CYP2A7: variants seen among roughly 807,000 people sequenced by gnomAD.
The protein encoded by CYP2A7 is cytochrome P450 2A7.
A neutral mutation model predicts 42.0 loss-of-function variants in CYP2A7; 36 were observed. The observed-to-expected ratio is 0.86, with a 90% CI of 0.66 to 1.13. The LOEUF (loss-of-function observed/expected upper bound fraction) is 1.13. Ranked by LOEUF, CYP2A7 falls within the 50% of genes most tolerant of loss-of-function variation. The pLI, the probability that CYP2A7 is intolerant of heterozygous loss-of-function variation, is 0.00. For synonymous variants in CYP2A7, 260 were observed against 249.5 expected (o/e 1.04, Z -0.40); for missense variants, 661 against 634.1 (o/e 1.04, Z -0.46).
chr19:40,880,737 A>C, intron 2 of CYP2A7, 109 bp from the exon 3 acceptor site: 1 of 1,111,826 alleles, frequency 9.0e-7, no homozygotes, highest in South Asian at 1.5e-5. Flanking sequence ...GTGGGGTGGG[A>C]GAGAGATGGA....
Position 40,880,567 on chromosome 19 carries a change from C to A in CYP2A7, c.405G>T (p.Leu135=). The A allele has an allele frequency of 1.2e-6, 2 of 1,610,272 alleles. No homozygotes were observed. The highest frequency in any genetic ancestry group is 1.1e-5 in the South Asian group (1 of 90,906). ...KQLLRFAIAT[L]RDFGVGKRGI... is the part of the protein sequence containing the mutation. Reference sequence around the variant, plus strand: ...CTCGCTTGCCCACCCCGAAGTCCCTCAGGGTGGCGATGGCAAAGCGCAGGA... The same window carrying A: ...CTCGCTTGCCCACCCCGAAGTCCCTAAGGGTGGCGATGGCAAAGCGCAGGA... Residue 135 remains leucine, a synonymous_variant, in exon 3 of 9, where the codon CTG becomes CTT. Coordinates refer to ENST00000301146, the MANE Select transcript of CYP2A7 (RefSeq NM_000764.3).
chr19:40,880,830 A>ACCG (rs1568527997), intron 2 of CYP2A7, among the ~76,000 whole-genome samples: 7 of 92,828 alleles, frequency 7.5e-5, no homozygotes, highest in Non-Finnish European at 1.2e-4. Flanking sequence ...AGAGAGAGAG[A>ACCG]GAGAGAGAGA....
chr19:40,882,134 T>G lies in CYP2A7; in HGVS notation c.77A>C (p.Gln26Pro), dbSNP rs1185383460. 8 of 1,613,966 alleles carry G rather than the reference T, an allele frequency of 5.0e-6. No individual in the cohort carries two copies. The Admixed American group carries it at 6.7e-5, about 13-fold the overall frequency. ...TVMVLMSVWQ[Q>P]RKSRGKLPPG... is the part of the protein sequence containing the mutation. ...AGGCAGCTTCCCCCTGCTCTTCCTC[T>G]GCTGCCAGACAGACATCAAGACCAT... The change falls in exon 1 of 9, where the codon CAG (glutamine) becomes CCG (proline). Residue 26 changes from glutamine (Q) to proline (P), a missense_variant. Gln to Pro is a moderately conservative substitution (Grantham distance 76, BLOSUM62 -1). Transcript: ENST00000301146.
Position 40,880,528 on chromosome 19 carries a change from G to A in CYP2A7, c.444C>T (p.Arg148=). 1.9e-6 allele frequency: 3 copies of A among 1,612,168 alleles called. No individual in the cohort carries two copies. The highest frequency in any genetic ancestry group is 1.1e-5 in the South Asian group (1 of 90,990). ...TGAGGAAGCCCGACTCCTCCTGGAT[G>A]CGCTCCTCGATGCCTCGCTTGCCCA... ...FGVGKRGIEE[R]IQEESGFLIE... is the part of the protein sequence containing the mutation. Residue 148 remains arginine, a synonymous_variant, in exon 3 of 9, where the codon CGC becomes CGT. Transcript: ENST00000301146.
intron 5 of CYP2A7, among the ~76,000 whole-genome samples, chr19:40,878,298 T>A (rs1348053957): frequency 2.0e-5 from 3 of 151,794 alleles, no homozygotes; most frequent in African/African-American, 7.2e-5. Flanking sequence ...CTCGAACTCC[T>A]GGGCTCAAGC....
At position 40,880,534 on chromosome 19, in the gene CYP2A7, C is replaced by G. The variant is rs139522441; in HGVS notation, c.438G>C (p.Glu146Asp). 1.5e-5 allele frequency: 24 copies of G among 1,611,966 alleles called. No individual in the cohort carries two copies. The African/African-American group carries it at 3.1e-4, about 21-fold the overall frequency. ...RDFGVGKRGI[E>D]ERIQEESGFL... is the part of the protein sequence containing the mutation. ...AGCCCGACTCCTCCTGGATGCGCTCCTCGATGCCTCGCTTGCCCACCCCGA... is the reference window on the plus strand; with the variant it reads ...AGCCCGACTCCTCCTGGATGCGCTCGTCGATGCCTCGCTTGCCCACCCCGA... The change falls in exon 3 of 9, where the codon GAG (glutamate) becomes GAC (aspartate). Residue 146 changes from glutamate (E) to aspartate (D), a missense_variant. By Grantham distance (45) the Glu-to-Asp change is conservative. Coordinates refer to ENST00000301146, the MANE Select transcript of CYP2A7 (RefSeq NM_000764.3).
chr19:40,877,070 C>A, intron 7 of CYP2A7, 120 bp downstream of exon 7: 1 of 1,164,528 alleles, frequency 8.6e-7, no homozygotes, highest in Admixed American at 2.2e-5. Context: ...TTGGGGAAGT[C>A]CTTTTTGACT....
intron 7 of CYP2A7, 42 bp downstream of exon 7, chr19:40,877,148 G>T (rs1967551454): frequency 6.3e-7 from 1 of 1,599,690 alleles, no homozygotes; most frequent in Non-Finnish European, 8.6e-7. Context: ...CACAGAGAAG[G>T]GCTGGAAGTC....
chr19:40,877,976 G>T lies in CYP2A7; in HGVS notation c.849C>A (p.Asn283Lys), dbSNP rs534303063. ...TCAGGTTCTTCAAGTAGAACTCCGT[G>T]TTGGGGTTCTTCTCCTCCTGCAGGG... is the stretch of plus-strand genomic sequence containing the variant. ...IHMQEEEKNP[N>K]TEFYLKNLMM... Residue 283 changes from asparagine to lysine, a missense_variant, in exon 6 of 9, where the codon AAC becomes AAA. Around this residue, in one of 3 missense-constraint regions of CYP2A7, gnomAD observed 614 missense variants for 552.4 expected, o/e 1.11. Transcript: ENST00000301146. 1.9e-6 allele frequency: 3 copies of T among 1,611,834 alleles called. No homozygotes were observed. In the Admixed American group the frequency reaches 5.0e-5, roughly 27 times the overall value.
rs1967554105 is a variant in CYP2A7, at chr19:40,877,218, G to C, written c.1133C>G (p.Thr378Ser). The stretch of plus-strand genomic sequence containing the variant: ...AGGGAGGAAAAAATCCCGAAACTTG[G>C]TGTCCTTTTTAACCCTGCGGGCCAA... ...MSLARRVKKD[T>S]KFRDFFLPKG... The change falls in exon 7 of 9, where the codon ACC becomes AGC. Residue 378 changes from threonine to serine, a missense_variant. This residue lies in a region of CYP2A7 where 614 missense variants were observed against 552.4 expected (regional missense o/e 1.11). Coordinates refer to ENST00000301146, the MANE Select transcript of CYP2A7 (RefSeq NM_000764.3). The C allele has an allele frequency of 1.2e-6, 2 of 1,612,744 alleles. No homozygotes were observed.
Position 40,879,935 on chromosome 19 carries a change from G to A in CYP2A7, c.654+149C>T, listed in dbSNP as rs1044168411. 16 of 1,332,458 alleles carry A rather than the reference G, an allele frequency of 1.2e-5. No homozygotes were observed. In the African/African-American group the frequency reaches 2.0e-4, roughly 17 times the overall value. The allele number at this position is 1,332,458 out of a possible 1,614,324, so 82.5% of individuals were successfully genotyped here. On this transcript the variant is annotated intron_variant, in intron 4 of 8. Coordinates refer to ENST00000301146, the MANE Select transcript of CYP2A7 (RefSeq NM_000764.3). Reference sequence around the variant, plus strand: ...AGGTGTCCTTGGAGACAGGCTTCTGGTGCAACTGTCCAGTTGTCCAATATC... The same window carrying A: ...AGGTGTCCTTGGAGACAGGCTTCTGATGCAACTGTCCAGTTGTCCAATATC...
intron 8 of CYP2A7, 21 bp downstream of exon 8, chr19:40,876,506 C>A: frequency 6.2e-7 from 1 of 1,612,544 alleles, no homozygotes; most frequent in Non-Finnish European, 8.5e-7. Flanking sequence ...AGTGGCCTGG[C>A]AGCAAACAGT....
intron 7 of CYP2A7, chr19:40,876,887 G>C: frequency 1.4e-6 from 1 of 713,532 alleles, no homozygotes; most frequent in South Asian, 2.0e-5. Context: ...TACGCAGGTT[G>C]TTTGGGGGAC....
rs748295713 is a variant in CYP2A7 at position 40,882,207 on chromosome 19, G to C, written c.4C>G (p.Leu2Val). The C allele has an allele frequency of 1.3e-5, 21 of 1,613,510 alleles. No individual in the cohort carries two copies. In the East Asian group the frequency reaches 4.0e-4, roughly 31 times the overall value. The change falls in exon 1 of 9, where the codon CTG (leucine) becomes GTG (valine). Residue 2 changes from leucine to valine, a missense_variant. Physicochemically the swap from Leu to Val is conservative, Grantham distance 32 (BLOSUM62 1). Transcript: ENST00000301146. Reference protein sequence around the residue: MLASGLLLVALL... With the variant: MVASGLLLVALL... ...GCCACCAGAAGCAGCCCTGAGGCCA[G>C]CATGGTGGTAGTGAGATGACAGATG...
rs375379675 is a variant in CYP2A7, at chr19:40,877,186, G to A, written c.1161+4C>T. On this transcript the variant is annotated splice_donor_region_variant and intron_variant, in intron 7 of 8. Transcript: ENST00000301146. ...CGTAGTCTAGGGGGTGGGGAGGATA[G>A]CACCTTAGGGAGGAAAAAATCCCGA... The A allele has an allele frequency of 6.2e-7, 1 of 1,612,382 alleles. No homozygotes were observed. Among genetic ancestry groups the A allele is most frequent in the African/African-American group, 1.3e-5 (1 of 74,802 alleles).
Position 40,881,758 on chromosome 19 carries a change from G to C in CYP2A7, c.181-7C>G, listed in dbSNP as rs1158373255. 6.3e-7 allele frequency: 1 copy of C among 1,591,990 alleles called. No homozygotes were observed. The highest frequency in any genetic ancestry group is 2.2e-5 in the East Asian group (1 of 44,576). On this transcript the variant is annotated splice_region_variant and splice_polypyrimidine_tract_variant and intron_variant, in intron 1 of 8. Transcript: ENST00000301146. ...GGCCATAGCACTCACTGAACTGATG[G>C]AGGCGAGTGGGAGTGGTTAGAGGGA...
At position 40,878,904 on chromosome 19, in the gene CYP2A7, G is replaced by C. The variant is rs756775801; in HGVS notation, c.687C>G (p.His229Gln). The C allele has an allele frequency of 6.2e-7, 1 of 1,610,304 alleles. No homozygotes were observed. The highest frequency in any genetic ancestry group is 8.5e-7 in the Non-Finnish European group (1 of 1,177,298). Residue 229 changes from histidine (H) to glutamine (Q), a missense_variant, in exon 5 of 9, where the codon CAC becomes CAG. By Grantham distance (24) the His-to-Gln change is conservative. Transcript: ENST00000301146. ...LYEMFSSVMKHLPGPQQQAFK... is the reference protein window; with the variant it reads ...LYEMFSSVMKQLPGPQQQAFK... ...AGGCCTGTTGCTGTGGTCCTGGCAG[G>C]TGTTTCATCACCGAAGAGAACATCT...
chr19:40,879,614 G>A (rs1164553180), intron 4 of CYP2A7, among the ~76,000 whole-genome samples: 1 of 151,588 alleles, frequency 6.6e-6, no homozygotes, highest in East Asian at 1.9e-4. Flanking sequence ...ATTTAAGTGG[G>A]TGAAGTAGAG....
chr19:40,880,467 A>T lies in CYP2A7; in HGVS notation c.493+12T>A, dbSNP rs1269940112. ...CCTTCTCCTGCCCCCGCACTCGGGG[A>T]ACCTTACTCACCGTGCGTGCTCCGG... On this transcript the variant is annotated intron_variant, in intron 3 of 8. Transcript: ENST00000301146. 9 of 1,610,636 alleles carry T rather than the reference A, an allele frequency of 5.6e-6. No individual in the cohort carries two copies. The highest frequency in any genetic ancestry group is 5.3e-5 in the African/African-American group (4 of 74,878).
Sources: allele counts gnomAD v4.1 joint callset (sites outside exome capture counted in the v4.1 genomes callset), GRCh38; gene constraint gnomAD v4.1.1; regional missense constraint gnomAD v4.1.1; transcripts MANE v1.5; gene names NCBI Gene and HGNC (gene_info 2026-07-23, HGNC 2026-07-21).